Variants in SPOCK3 observed in about 807,000 individuals in gnomAD.
SPOCK3 encodes SPARC (osteonectin), cwcv and kazal like domains proteoglycan 3.
SPOCK3 carries 30 observed loss-of-function variants against 56.6 expected under a neutral mutation model. The observed-to-expected ratio is 0.53, with a 90% CI of 0.40 to 0.72. SPOCK3 has a LOEUF of 0.72. SPOCK3 is among the 30% of genes least tolerant of loss of function. The pLI is 0.00. For missense variants in SPOCK3, 527 were observed against 530.0 expected (o/e 0.99, Z 0.06); for synonymous variants, 196 against 183.3 (o/e 1.07, Z -0.56).
At chr4:166,769,334 T>C (rs6816941) in intron 7 of SPOCK3, among the ~76,000 whole-genome samples, 31,781 of 149,510 alleles carry the variant, frequency 0.21, 4,085 homozygotes, top group South Asian at 0.31. Context: ...ACCTTTGGTC[T>C]TTGATGATGG....
At chr4:166,903,342 G>A (rs1736262860) in intron 5 of SPOCK3, among the ~76,000 whole-genome samples, 1 of 151,736 alleles carries the variant, frequency 6.6e-6, no homozygotes, top group Non-Finnish European at 1.5e-5. Context: ...TCAGCTTTGG[G>A]CTTGCCTGAC....
intron 2 of SPOCK3, among the ~76,000 whole-genome samples, chr4:167,142,992 C>A (rs1763657817): frequency 6.6e-6 from 1 of 151,742 alleles, no homozygotes; most frequent in Non-Finnish European, 1.5e-5. Flanking sequence ...TAGCAACTTT[C>A]CCATGTATTT....
At position 166,946,425 on chromosome 4, in the gene SPOCK3, C is replaced by T. The variant is rs148512231; in HGVS notation, c.351-33682G>A. 5.4e-4 allele frequency among the ~76,000 whole-genome samples: 82 copies of T among 152,314 alleles called. No homozygotes were observed. In the East Asian group the frequency reaches 0.011, roughly 21 times the overall value. On this transcript the variant is annotated intron_variant, in intron 4 of 10. Coordinates refer to ENST00000357545, the MANE Select transcript of SPOCK3 (RefSeq NM_001040159.2). The stretch of plus-strand genomic sequence containing the variant: ...CTCCCAGGCTCAGCCTGCTCCTGCG[C>T]GTTGGCCTTCTTGCTGTTCCATGAG...
intron 2 of SPOCK3, among the ~76,000 whole-genome samples, chr4:167,119,137 T>C (rs1387942703): frequency 1.1e-4 from 3 of 27,530 alleles, no homozygotes; most frequent in Admixed American, 8.9e-4. Context: ...GAAGGCGGGG[T>C]GGGGGAGGGG....
chr4:166,922,123 T>C (rs1463442738), intron 4 of SPOCK3, among the ~76,000 whole-genome samples: 2 of 152,106 alleles, frequency 1.3e-5, no homozygotes, highest in Non-Finnish European at 2.9e-5. Context: ...CTTATGAGAA[T>C]CTAGCATCTG....
At chr4:166,907,010 C>T (rs1736697596) in intron 5 of SPOCK3, among the ~76,000 whole-genome samples, 1 of 151,830 alleles carries the variant, frequency 6.6e-6, no homozygotes, top group Non-Finnish European at 1.5e-5. Flanking sequence ...AAAGTATTTG[C>T]CAGAAAATAT....
intron 2 of SPOCK3, among the ~76,000 whole-genome samples, chr4:167,073,598 TA>T (rs2150272442): frequency 6.6e-6 from 1 of 152,014 alleles, no homozygotes; most frequent in Admixed American, 6.6e-5. Context: ...TTGAGTCCTT[TA>T]TTGTGATTAA....
intron 2 of SPOCK3, among the ~76,000 whole-genome samples, chr4:167,067,227 T>C (rs528997623): frequency 2.6e-5 from 4 of 151,916 alleles, no homozygotes; most frequent in African/African-American, 7.2e-5. Context: ...GGCAATAAAA[T>C]CTTACTAAAA....
intron 3 of SPOCK3, among the ~76,000 whole-genome samples, chr4:167,043,927 A>G (rs1753474249): frequency 6.6e-6 from 1 of 151,910 alleles, no homozygotes; most frequent in Non-Finnish European, 1.5e-5. Context: ...TGTTTGTCTG[A>G]TTTTGATATT....
chr4:167,125,176 A>G (rs1173041484), intron 2 of SPOCK3, among the ~76,000 whole-genome samples: 1 of 150,440 alleles, frequency 6.6e-6, no homozygotes, highest in East Asian at 1.9e-4. Context: ...GGTTCTTTGT[A>G]TGAGCACAGA....
At chr4:167,015,750 C>T (rs1318413622) in intron 3 of SPOCK3, among the ~76,000 whole-genome samples, 1 of 152,108 alleles carries the variant, frequency 6.6e-6, no homozygotes. Context: ...AGAAATTATC[C>T]AAGTAATTGC....
At chr4:167,214,641 T>G (rs1467343558) in intron 2 of SPOCK3, among the ~76,000 whole-genome samples, 1 of 152,168 alleles carries the variant, frequency 6.6e-6, no homozygotes, top group African/African-American at 2.4e-5. Flanking sequence ...AAATAAAGTC[T>G]ATAAATTTCA....
intron 7 of SPOCK3, among the ~76,000 whole-genome samples, chr4:166,761,998 C>T (rs1355268014): frequency 5.9e-5 from 9 of 151,378 alleles, no homozygotes; most frequent in African/African-American, 2.2e-4. Flanking sequence ...ATATTTAATG[C>T]TCATATCTGT....
At chr4:167,139,938 T>C (rs815234) in intron 2 of SPOCK3, among the ~76,000 whole-genome samples, 151,829 of 151,916 alleles carry the variant, frequency 1, 75,871 homozygotes, top group Middle Eastern at 1. Flanking sequence ...GTTTTATACT[T>C]CCACCAAGAA....
intron 3 of SPOCK3, among the ~76,000 whole-genome samples, chr4:167,029,884 T>C (rs567261293): frequency 6.6e-6 from 1 of 152,174 alleles, no homozygotes; most frequent in African/African-American, 2.4e-5. Flanking sequence ...CTGGAACTCA[T>C]GTTAGAATGA....
chr4:167,089,993 T>C (rs566918772), intron 2 of SPOCK3, among the ~76,000 whole-genome samples: 3 of 152,278 alleles, frequency 2.0e-5, no homozygotes, highest in South Asian at 2.1e-4. Context: ...TATTCCATTG[T>C]CTGTATGTAC....
At chr4:166,945,049 C>G (rs558155921) in intron 4 of SPOCK3, among the ~76,000 whole-genome samples, 1 of 152,110 alleles carries the variant, frequency 6.6e-6, no homozygotes, top group South Asian at 2.1e-4. Context: ...TTTGATATAC[C>G]ACTATCAATC....
At chr4:166,880,681 C>T (rs1000914514) in intron 6 of SPOCK3, among the ~76,000 whole-genome samples, 8 of 152,152 alleles carry the variant, frequency 5.3e-5, no homozygotes, top group Non-Finnish European at 1.0e-4. Context: ...CAGGAGTTAT[C>T]ATTAATTCTC....
chr4:166,891,460 C>T (rs1400164708), intron 5 of SPOCK3, among the ~76,000 whole-genome samples: 3 of 151,770 alleles, frequency 2.0e-5, no homozygotes, highest in Admixed American at 1.3e-4. Flanking sequence ...TTAACGAGCC[C>T]TGCAACAAAT....
Sources: gnomAD v4.1 joint callset for allele counts (sites outside exome capture counted in the v4.1 genomes callset) on GRCh38, gnomAD v4.1.1 for gene constraint, MANE v1.5 for transcripts, NCBI Gene and HGNC (gene_info 2026-07-23, HGNC 2026-07-21) for gene names.